Variants in DNAH9 observed in about 807,000 individuals in gnomAD.
DNAH9 encodes DNAH9 variant protein.
A neutral mutation model predicts 471.6 loss-of-function variants in DNAH9; 345 were observed. That is an observed-to-expected ratio of 0.73 (90% confidence interval 0.67 to 0.80). DNAH9 has a LOEUF of 0.80. Ranked by LOEUF, DNAH9 falls within the 30% of genes least tolerant of loss-of-function variation. The pLI, the probability that DNAH9 is intolerant of heterozygous loss-of-function variation, is 0.00. For synonymous variants in DNAH9, 2,093 were observed against 2,123.6 expected (o/e 0.99, Z 0.40); for missense variants, 5,407 against 5,609.2 (o/e 0.96, Z 1.15).
chr17:11,840,868 G>A (rs935547937), intron 49 of DNAH9, among the ~76,000 whole-genome samples: 2 of 152,208 alleles, frequency 1.3e-5, no homozygotes, highest in African/African-American at 4.8e-5. Flanking sequence ...AAAGCTTCCA[G>A]AAGGAATCAG....
At chr17:11,634,889 T>C (rs1250218146) in intron 8 of DNAH9, among the ~76,000 whole-genome samples, 1 of 152,050 alleles carries the variant, frequency 6.6e-6, no homozygotes, top group Non-Finnish European at 1.5e-5. Context: ...TCCTAGAGCT[T>C]GCACTCCCTC....
intron 28 of DNAH9, among the ~76,000 whole-genome samples, chr17:11,736,926 A>G (rs756471372): frequency 6.6e-6 from 1 of 152,202 alleles, no homozygotes; most frequent in Non-Finnish European, 1.5e-5. Context: ...CCCACTCCCT[A>G]ATAAGGCGAG....
intron 41 of DNAH9, among the ~76,000 whole-genome samples, chr17:11,786,085 G>GA (rs35183367): frequency 0.71 from 106,335 of 150,234 alleles, 37,564 homozygotes; most frequent in South Asian, 0.8. Flanking sequence ...TTTTTCAAAT[G>GA]AAAAAAAAAA....
intron 10 of DNAH9, among the ~76,000 whole-genome samples, chr17:11,641,491 A>T (rs2073271221): frequency 6.6e-6 from 1 of 152,070 alleles, no homozygotes; most frequent in African/African-American, 2.4e-5. Context: ...TTTCAGATGA[A>T]GAAATGGAGG....
intron 48 of DNAH9, among the ~76,000 whole-genome samples, chr17:11,833,630 C>A (rs1054793241): frequency 4.6e-5 from 7 of 152,218 alleles, no homozygotes; most frequent in Admixed American, 4.6e-4. Flanking sequence ...CATTTGGAGC[C>A]ACTTGCTATA....
chr17:11,682,401 T>C (rs574739468), intron 19 of DNAH9, among the ~76,000 whole-genome samples: 1 of 152,174 alleles, frequency 6.6e-6, no homozygotes, highest in African/African-American at 2.4e-5. Flanking sequence ...ACAAGCATGC[T>C]CATGTCTTAG....
intron 43 of DNAH9, among the ~76,000 whole-genome samples, chr17:11,800,292 C>A (rs957324606): frequency 3.3e-5 from 5 of 151,798 alleles, no homozygotes; most frequent in Non-Finnish European, 7.4e-5. Context: ...TAAGTCTAGT[C>A]CCTACACCTG....
Position 11,680,764 on chromosome 17 carries a change from T to A in DNAH9, c.3618T>A (p.Ile1206=). 1.2e-6 allele frequency: 2 copies of A among 1,614,034 alleles called. No homozygotes were observed. The highest frequency in any genetic ancestry group is 1.7e-6 in the Non-Finnish European group (2 of 1,179,960). ...GGAACAACATAAAAAAGGTGGCCAT[T>A]ACTGTGAAGCAGCAGGTGGCCCCAC... ...EKWNNIKKVA[I]TVKQQVAPLQ... is the part of the protein sequence containing the mutation. The change falls in exon 19 of 69, where the codon ATT becomes ATA. Residue 1206 remains isoleucine (I), a synonymous_variant. Coordinates refer to ENST00000262442, the MANE Select transcript of DNAH9 (RefSeq NM_001372.4).
chr17:11,681,431 C>T (rs913862370), intron 19 of DNAH9, among the ~76,000 whole-genome samples: 16 of 152,164 alleles, frequency 1.1e-4, no homozygotes, highest in Admixed American at 5.9e-4. Flanking sequence ...TCCATGCCCA[C>T]GCTGCACATA....
rs374831451 is a variant in DNAH9 at position 11,822,078 on chromosome 17, T to C, written c.8850+16T>C. ...ACAGCTGAAGGTAAAGAGCATTTAC[T>C]GACAGGGGCAGGCAGAGACCCGAGA... On this transcript the variant is annotated intron_variant, in intron 46 of 68. Transcript: ENST00000262442. The C allele has an allele frequency of 3.7e-6, 6 of 1,606,678 alleles. No homozygotes were observed. In the African/African-American group the frequency reaches 4.0e-5, roughly 11 times the overall value.
intron 38 of DNAH9, among the ~76,000 whole-genome samples, chr17:11,779,093 G>A (rs2150892037): frequency 6.6e-6 from 1 of 152,264 alleles, no homozygotes; most frequent in African/African-American, 2.4e-5. Flanking sequence ...CCCTGGTGCA[G>A]CAGCTGACAC....
rs1184410601 is a variant in DNAH9, at chr17:11,962,877, T to C, written c.13233+621T>C. Among the ~76,000 whole-genome samples the C allele has an allele frequency of 6.6e-6, 1 of 152,148 alleles. No homozygotes were observed. Among genetic ancestry groups the C allele is most frequent in the East Asian group, 1.9e-4 (1 of 5,174 alleles). ...ATGTTGGCAAAGAGGAGCCAGTAGA[T>C]ATCACTTAAAGTGGCATTTTGAAAG... On this transcript the variant is annotated intron_variant, in intron 68 of 68. Coordinates refer to ENST00000262442, the MANE Select transcript of DNAH9 (RefSeq NM_001372.4). The surrounding 1 kb of genome is among the most constrained non-coding windows in gnomAD (Gnocchi z 4.1).
chr17:11,851,875 G>C (rs145040165), intron 49 of DNAH9, among the ~76,000 whole-genome samples: 1 of 152,014 alleles, frequency 6.6e-6, no homozygotes, highest in Non-Finnish European at 1.5e-5. Flanking sequence ...GTTACTGTAC[G>C]TGGAAACATC....
intron 22 of DNAH9, among the ~76,000 whole-genome samples, chr17:11,697,812 G>T: frequency 6.6e-6 from 1 of 151,656 alleles, no homozygotes; most frequent in Non-Finnish European, 1.5e-5. Context: ...GCACTTTAGT[G>T]TTGCTAATAC....
At chr17:11,951,111 T>C (rs147653345) in intron 67 of DNAH9, among the ~76,000 whole-genome samples, 7 of 152,336 alleles carry the variant, frequency 4.6e-5, no homozygotes, top group Non-Finnish European at 7.4e-5. Flanking sequence ...CAATTTTGTA[T>C]AGAAGCAAAT....
chr17:11,769,355 G>A (rs557718949), intron 38 of DNAH9, 26 bp downstream of exon 38: 10 of 1,584,056 alleles, frequency 6.3e-6, no homozygotes, highest in East Asian at 4.6e-5. Flanking sequence ...CACCTGGGGT[G>A]GGGGGCATCT....
intron 46 of DNAH9, 110 bp from the exon 47 acceptor site, chr17:11,822,328 G>A (rs1271914054): frequency 2.3e-6 from 3 of 1,312,892 alleles, no homozygotes; most frequent in Non-Finnish European, 3.2e-6. Context: ...TATCTCTGTT[G>A]GATGTGCTTC....
At chr17:11,723,919 C>T (rs1001741516) in intron 27 of DNAH9, among the ~76,000 whole-genome samples, 8 of 152,020 alleles carry the variant, frequency 5.3e-5, no homozygotes, top group South Asian at 2.1e-4. Flanking sequence ...GTGATCCGCC[C>T]GCCTCAGCCT....
Position 11,640,868 on chromosome 17 carries a change from T to A in DNAH9, c.1901+484T>A, listed in dbSNP as rs2073258211. On this transcript the variant is annotated intron_variant, in intron 10 of 68. Coordinates refer to ENST00000262442, the MANE Select transcript of DNAH9 (RefSeq NM_001372.4). ...ATCTGAATCTGGTGTGGGCTGTGAA[T>A]CTGCCCCTTCAGCAAGCTCCTCCTG... 2.0e-5 allele frequency among the ~76,000 whole-genome samples: 3 copies of A among 152,148 alleles called. No homozygotes were observed. In the South Asian group the frequency reaches 6.2e-4, roughly 32 times the overall value.
Sources: allele counts gnomAD v4.1 joint callset (sites outside exome capture counted in the v4.1 genomes callset), GRCh38; gene constraint gnomAD v4.1.1; non-coding constraint Gnocchi (gnomAD v3.1); transcripts MANE v1.5; gene names NCBI Gene and HGNC (gene_info 2026-07-23, HGNC 2026-07-21).